The following STAC variants were observed in gnomAD, a reference collection of about 807,000 sequenced individuals.
The protein encoded by STAC is SH3 and cysteine-rich domain-containing protein.
STAC carries 43 observed loss-of-function variants against 48.8 expected under a neutral mutation model. That is an observed-to-expected ratio of 0.88 (90% CI 0.69 to 1.14). The LOEUF is 1.14. STAC is among the 50% of genes most tolerant of loss of function. The probability of loss-of-function intolerance (pLI) is 0.00; values close to 1 mark genes in which losing one functional copy is unlikely to be tolerated. For synonymous variants in STAC, 193 were observed against 179.5 expected (o/e 1.07, Z -0.60); for missense variants, 497 against 504.0 (o/e 0.99, Z 0.13).
chr3:36,433,670 C>CT (rs1261880335), intron 1 of STAC, among the ~76,000 whole-genome samples: 1 of 152,230 alleles, frequency 6.6e-6, no homozygotes, highest in Non-Finnish European at 1.5e-5. Context: ...TATTTAAAGT[C>CT]TTTTGTATTT....
intron 5 of STAC, among the ~76,000 whole-genome samples, chr3:36,491,480 T>G (rs1697965210): frequency 6.6e-6 from 1 of 152,190 alleles, no homozygotes; most frequent in Non-Finnish European, 1.5e-5. Context: ...AACCAACTTC[T>G]GTACAGAAAT....
chr3:36,483,742 A>ACCTT (rs1697721132), intron 3 of STAC, among the ~76,000 whole-genome samples: 1 of 152,190 alleles, frequency 6.6e-6, no homozygotes. Context: ...CCTTAAGCCC[A>ACCTT]GGAGTTCGAG....
intron 10 of STAC, among the ~76,000 whole-genome samples, chr3:36,542,169 T>A (rs1255526990): frequency 6.6e-6 from 1 of 152,122 alleles, no homozygotes; most frequent in Non-Finnish European, 1.5e-5. Flanking sequence ...GATCACCTTA[T>A]TCCTCCAATT....
chr3:36,485,907 G>A (rs747521500), intron 4 of STAC: 7 of 385,552 alleles, frequency 1.8e-5, no homozygotes, highest in African/African-American at 1.0e-4. Flanking sequence ...GGAAGAATTC[G>A]GGAGCAGAGT....
chr3:36,510,234 C>A (rs1438806406), intron 8 of STAC, among the ~76,000 whole-genome samples: 1 of 152,084 alleles, frequency 6.6e-6, no homozygotes, highest in African/African-American at 2.4e-5. Flanking sequence ...TAGAAAAAAG[C>A]AAATCAAAAC....
chr3:36,471,835 G>T (rs528955103), intron 2 of STAC, among the ~76,000 whole-genome samples: 8 of 152,176 alleles, frequency 5.3e-5, no homozygotes, highest in Non-Finnish European at 1.0e-4. Flanking sequence ...TTCATAGGCT[G>T]GCATTCAGTG....
At chr3:36,488,099 T>C (rs1697864178) in intron 5 of STAC, among the ~76,000 whole-genome samples, 1 of 152,206 alleles carries the variant, frequency 6.6e-6, no homozygotes, top group Non-Finnish European at 1.5e-5. Context: ...TTTTAATTCA[T>C]TTAAAAATAT....
At chr3:36,459,159 T>G (rs532416096) in intron 2 of STAC, 10 of 152,240 alleles carry the variant, frequency 6.6e-5, no homozygotes, top group Non-Finnish European at 1.3e-4. Context: ...AATAACATCT[T>G]TACTTAGTTT....
intron 1 of STAC, among the ~76,000 whole-genome samples, chr3:36,411,262 T>G (rs941083119): frequency 1.3e-5 from 2 of 152,244 alleles, no homozygotes; most frequent in Non-Finnish European, 2.9e-5. Flanking sequence ...TGCTGGTTCT[T>G]TCTATAAGTC....
intron 2 of STAC, among the ~76,000 whole-genome samples, chr3:36,482,689 C>A (rs763475016): frequency 1.3e-5 from 2 of 152,084 alleles, no homozygotes; most frequent in African/African-American, 4.8e-5. Context: ...GAGTAACCTA[C>A]ATGAAAAGCA....
intron 2 of STAC, among the ~76,000 whole-genome samples, chr3:36,459,796 G>T (rs1696957038): frequency 6.6e-6 from 1 of 152,100 alleles, no homozygotes; most frequent in Non-Finnish European, 1.5e-5. Context: ...TGAAAGAGGG[G>T]GAGAATAACT....
chr3:36,436,758 C>G (rs931289725), intron 1 of STAC, among the ~76,000 whole-genome samples: 11 of 152,096 alleles, frequency 7.2e-5, no homozygotes, highest in South Asian at 2.1e-4. Context: ...ACCCACTAGA[C>G]CTTAAAATTG....
intron 1 of STAC, among the ~76,000 whole-genome samples, chr3:36,404,939 G>A (rs1287805568): frequency 2.0e-5 from 3 of 152,000 alleles, no homozygotes; most frequent in Admixed American, 6.6e-5. Context: ...TATTAGGTTG[G>A]TGCAAAAGTA....
intron 1 of STAC, among the ~76,000 whole-genome samples, chr3:36,395,667 G>A (rs1287050576): frequency 1.3e-5 from 2 of 152,196 alleles, no homozygotes; most frequent in African/African-American, 2.4e-5. Flanking sequence ...GCAGTTAGAA[G>A]ATAAGAAGCA....
At chr3:36,417,643 T>C (rs1475678146) in intron 1 of STAC, among the ~76,000 whole-genome samples, 1 of 152,244 alleles carries the variant, frequency 6.6e-6, no homozygotes, top group African/African-American at 2.4e-5. Flanking sequence ...GAAAGGAAAT[T>C]GGTTTGTAGA....
chr3:36,436,924 T>C (rs1234612333), intron 1 of STAC, among the ~76,000 whole-genome samples: 1 of 151,104 alleles, frequency 6.6e-6, no homozygotes. Context: ...CAAACAAATT[T>C]ACAAGAAAAA....
chr3:36,429,862 T>C (rs986506606), intron 1 of STAC, among the ~76,000 whole-genome samples: 1 of 152,182 alleles, frequency 6.6e-6, no homozygotes, highest in Non-Finnish European at 1.5e-5. Flanking sequence ...TGCTGGAAGA[T>C]AAGACTGCAA....
intron 1 of STAC, among the ~76,000 whole-genome samples, chr3:36,417,434 CACAA>C (rs1325837291): frequency 2.0e-5 from 3 of 152,126 alleles, no homozygotes; most frequent in African/African-American, 4.8e-5. Flanking sequence ...CTTATACACA[CACAA>C]ACACTCACAC....
rs773933299 is a variant in STAC, at chr3:36,505,810, A to G, written c.896A>G (p.Gln299Arg). The G allele has an allele frequency of 6.2e-7, 1 of 1,606,570 alleles. No homozygotes were observed. The highest frequency in any genetic ancestry group is 8.5e-7 in the Non-Finnish European group (1 of 1,177,052). Reference protein sequence around the residue: ...TYVALYKFVPQENEDLEMRPG... With the variant: ...TYVALYKFVPRENEDLEMRPG... ...GTTGCCTTGTACAAATTTGTACCACAGGAGAATGAAGATTTGGAAATGAGG... is the reference window on the plus strand; with the variant it reads ...GTTGCCTTGTACAAATTTGTACCACGGGAGAATGAAGATTTGGAAATGAGG... Residue 299 changes from glutamine to arginine, a missense_variant, in exon 8 of 11, where the codon CAG becomes CGG. Coordinates refer to ENST00000273183, the MANE Select transcript of STAC (RefSeq NM_003149.3).
Sources: gnomAD v4.1 joint callset for allele counts (sites outside exome capture counted in the v4.1 genomes callset) on GRCh38, gnomAD v4.1.1 for gene constraint, MANE v1.5 for transcripts, NCBI Gene and HGNC (gene_info 2026-07-23, HGNC 2026-07-21) for gene names.